The following EBF1 variants were observed in gnomAD, a reference collection of about 807,000 sequenced individuals.
EBF1 encodes transcription factor COE1.
Under a neutral mutation model 68.4 loss-of-function variants are expected in EBF1, and 10 were observed. That is an observed-to-expected ratio of 0.15 (90% CI 0.09 to 0.25). EBF1 has a LOEUF of 0.25. Among genes scored for constraint, EBF1 ranks in the 10% least tolerant of loss-of-function variants. The pLI, the probability that EBF1 is intolerant of heterozygous loss-of-function variation, is 1.00. For synonymous variants in EBF1, 298 were observed against 299.8 expected (o/e 0.99, Z 0.06); for missense variants, 509 against 794.4 (o/e 0.64, Z 4.32).
At chr5:158,800,033 A>G (rs1429057429) in intron 8 of EBF1, among the ~76,000 whole-genome samples, 1 of 152,164 alleles carries the variant, frequency 6.6e-6, no homozygotes, top group Non-Finnish European at 1.5e-5. Flanking sequence ...GGCTAAAACT[A>G]TAGGTACCCA....
At chr5:158,884,716 C>G (rs1799671557) in intron 6 of EBF1, among the ~76,000 whole-genome samples, 1 of 152,082 alleles carries the variant, frequency 6.6e-6, no homozygotes, top group African/African-American at 2.4e-5. Flanking sequence ...GCAGCAAGAA[C>G]AATACTGATC....
chr5:158,975,281 A>G (rs1756501690), intron 6 of EBF1, among the ~76,000 whole-genome samples: 1 of 152,094 alleles, frequency 6.6e-6, no homozygotes. Flanking sequence ...CCCCCCAAAA[A>G]ATATTTGAAT....
intron 6 of EBF1, among the ~76,000 whole-genome samples, chr5:158,998,170 C>T (rs1014134172): frequency 3.3e-5 from 5 of 152,092 alleles, no homozygotes; most frequent in Admixed American, 3.3e-4. Flanking sequence ...TTAATGAAGT[C>T]CTCCACCCCC....
At chr5:158,748,928 T>G (rs1026955885) in intron 10 of EBF1, among the ~76,000 whole-genome samples, 2 of 152,132 alleles carry the variant, frequency 1.3e-5, no homozygotes, top group Non-Finnish European at 2.9e-5. Flanking sequence ...AATTGCAGAT[T>G]TCTCTCTTGA....
At chr5:158,911,851 C>T (rs1160706977) in intron 6 of EBF1, among the ~76,000 whole-genome samples, 1 of 152,218 alleles carries the variant, frequency 6.6e-6, no homozygotes, top group Non-Finnish European at 1.5e-5. Context: ...TTAGATGATG[C>T]TGTCATCCCA....
chr5:158,731,307 T>C, intron 10 of EBF1, 150 bp from the exon 11 acceptor site: 1 of 786,582 alleles, frequency 1.3e-6, no homozygotes, highest in Non-Finnish European at 2.0e-6. Context: ...GAATGATCTC[T>C]TGGCTAAACT....
chr5:158,835,096 G>A, intron 7 of EBF1, among the ~76,000 whole-genome samples: 1 of 152,160 alleles, frequency 6.6e-6, no homozygotes, highest in East Asian at 1.9e-4. Flanking sequence ...TGAGAAAAAT[G>A]CTAAAAAGTA....
intron 9 of EBF1, among the ~76,000 whole-genome samples, chr5:158,789,506 GA>G (rs1461922416): frequency 6.6e-6 from 1 of 152,112 alleles, no homozygotes; most frequent in Non-Finnish European, 1.5e-5. Flanking sequence ...TAAATTTCTG[GA>G]AGTATGTTAA....
At chr5:158,853,757 C>T (rs75213747) in intron 6 of EBF1, among the ~76,000 whole-genome samples, 3,241 of 152,230 alleles carry the variant, frequency 0.021, 122 homozygotes, top group African/African-American at 0.074. Context: ...CACATGCACA[C>T]GCGCACACAC....
chr5:158,757,388 G>A (rs1018235829), intron 10 of EBF1, among the ~76,000 whole-genome samples: 1 of 152,142 alleles, frequency 6.6e-6, no homozygotes, highest in African/African-American at 2.4e-5. Flanking sequence ...AGTCACTGAG[G>A]AAAGTATGGA....
intron 6 of EBF1, among the ~76,000 whole-genome samples, chr5:158,846,239 A>T (rs556490288): frequency 3.4e-4 from 51 of 152,206 alleles, no homozygotes; most frequent in African/African-American, 1.2e-3. Context: ...AGCTGCTCCC[A>T]CCCCACACAC....
At chr5:158,883,469 C>T (rs1799376931) in intron 6 of EBF1, among the ~76,000 whole-genome samples, 1 of 151,376 alleles carries the variant, frequency 6.6e-6, no homozygotes, top group Non-Finnish European at 1.5e-5. Flanking sequence ...GAAACGCATA[C>T]CCAGGTGATG....
chr5:158,955,018 G>GA (rs555991343), intron 6 of EBF1, among the ~76,000 whole-genome samples: 2 of 151,986 alleles, frequency 1.3e-5, no homozygotes, highest in Admixed American at 1.3e-4. Context: ...ATCCTCAGGG[G>GA]AAAAAAATTA....
intron 6 of EBF1, among the ~76,000 whole-genome samples, chr5:158,916,840 C>T (rs1170715421): frequency 6.6e-6 from 1 of 152,194 alleles, no homozygotes; most frequent in Admixed American, 6.5e-5. Flanking sequence ...TCCAAGCCAG[C>T]TCAGCGGGTA....
At chr5:158,786,256 T>C (rs750882255) in intron 9 of EBF1, among the ~76,000 whole-genome samples, 9 of 152,148 alleles carry the variant, frequency 5.9e-5, no homozygotes, top group Non-Finnish European at 8.8e-5. Flanking sequence ...TGACCAGGCA[T>C]CTAACCAGGT....
At chr5:158,745,750 T>C (rs1767426438) in intron 10 of EBF1, among the ~76,000 whole-genome samples, 1 of 152,206 alleles carries the variant, frequency 6.6e-6, no homozygotes, top group African/African-American at 2.4e-5. Context: ...GGGTTCTAAT[T>C]GGAATATGGA....
At chr5:158,886,950 C>T (rs959453473) in intron 6 of EBF1, among the ~76,000 whole-genome samples, 1 of 152,012 alleles carries the variant, frequency 6.6e-6, no homozygotes, top group Non-Finnish European at 1.5e-5. Flanking sequence ...TGCAATGAGC[C>T]GAGATCGTGC....
chr5:158,823,834 C>T (rs911776793), intron 7 of EBF1, among the ~76,000 whole-genome samples: 3 of 151,934 alleles, frequency 2.0e-5, no homozygotes, highest in African/African-American at 4.8e-5. Flanking sequence ...TTTTTCTTTC[C>T]ACATTAGTTT....
intron 6 of EBF1, among the ~76,000 whole-genome samples, chr5:158,886,042 TG>T (rs1393390450): frequency 6.6e-6 from 1 of 152,214 alleles, no homozygotes; most frequent in Non-Finnish European, 1.5e-5. Context: ...CTGGCAGTGC[TG>T]GGTGTGAATG....
Sources: allele counts gnomAD v4.1 joint callset (sites outside exome capture counted in the v4.1 genomes callset), GRCh38; gene constraint gnomAD v4.1.1; transcripts MANE v1.5; gene names NCBI Gene and HGNC (gene_info 2026-07-23, HGNC 2026-07-21).